Variants in DLG2 observed in about 807,000 individuals in gnomAD.
The protein encoded by DLG2 is discs large MAGUK scaffold protein 2.
DLG2 carries 45 observed loss-of-function variants against 132.5 expected under a neutral mutation model. The observed-to-expected ratio is 0.34, with a 90% CI of 0.27 to 0.44. The LOEUF is 0.44. DLG2 is among the 20% of genes least tolerant of loss of function. The probability of loss-of-function intolerance (pLI) is 1.00; values close to 1 mark genes in which losing one functional copy is unlikely to be tolerated. For missense variants in DLG2, 1,045 were observed against 1,196.9 expected, an observed-to-expected ratio of 0.87 and a Z score of 1.87; for synonymous variants, 424 against 419.6, an observed-to-expected ratio of 1.01 and a Z score of -0.13.
At chr11:85,114,824 C>T (rs1223416323) in intron 5 of DLG2, among the ~76,000 whole-genome samples, 1 of 151,948 alleles carries the variant, frequency 6.6e-6, no homozygotes, top group Admixed American at 6.6e-5. Context: ...CCTCCAAAAA[C>T]ATGGGAATAT....
At chr11:83,935,756 A>T (rs551842521) in intron 14 of DLG2, among the ~76,000 whole-genome samples, 1 of 152,352 alleles carries the variant, frequency 6.6e-6, no homozygotes, top group South Asian at 2.1e-4. Context: ...TCTGTTTACC[A>T]GAAAAATTAT....
chr11:84,218,197 GGAAAGGAAGGAAGGAAGGAAA>G lies in DLG2; in HGVS notation c.573+33020_573+33040del, dbSNP rs898571899. ...GAGAGAAAGAAAAAGAAACAAAGAA[GGAAAGGAAGGAAGGAAGGAAA>G]GAAAGGAAGGAAGGAAGGAAAGGAA... On this transcript the variant is annotated intron_variant, in intron 8 of 27. Coordinates refer to ENST00000376104, the MANE Select transcript of DLG2 (RefSeq NM_001142699.3). 4.3e-5 allele frequency among the ~76,000 whole-genome samples: 6 copies of G among 139,362 alleles called. No homozygotes were observed. The East Asian group carries it at 6.3e-4, about 15-fold the overall frequency. 91.4% of individuals were successfully genotyped at this position (139,362 alleles called of 152,430 possible). A position where few individuals can be genotyped will look rare whatever the true frequency, so the allele number is the denominator to read the frequency against.
intron 5 of DLG2, among the ~76,000 whole-genome samples, chr11:85,153,304 C>T (rs1339648962): frequency 6.6e-6 from 1 of 152,140 alleles, no homozygotes; most frequent in Non-Finnish European, 1.5e-5. Context: ...TATGCCCCAT[C>T]TCCTCTAAAG....
intron 3 of DLG2, among the ~76,000 whole-genome samples, chr11:85,293,285 A>G (rs1241434548): frequency 6.6e-6 from 1 of 152,156 alleles, no homozygotes; most frequent in Non-Finnish European, 1.5e-5. Context: ...AAAATGGGCC[A>G]GGCATGGTGG....
intron 6 of DLG2, among the ~76,000 whole-genome samples, chr11:84,819,507 T>C (rs1351516834): frequency 2.0e-5 from 3 of 151,836 alleles, no homozygotes; most frequent in Non-Finnish European, 4.4e-5. Context: ...GCCCTTTTCA[T>C]GCCTATATGC....
At chr11:83,786,667 T>C in intron 18 of DLG2, 23 bp downstream of exon 18, 2 of 1,566,840 alleles carry the variant, frequency 1.3e-6, no homozygotes, top group Non-Finnish European at 1.8e-6. Context: ...ATCAGAACAT[T>C]ATTAGTTTGA....
intron 11 of DLG2, among the ~76,000 whole-genome samples, chr11:84,012,241 T>C (rs991760826): frequency 3.3e-5 from 5 of 152,188 alleles, no homozygotes; most frequent in Non-Finnish European, 7.4e-5. Context: ...ATTGTTTCTC[T>C]GGTCTCAGGC....
At chr11:84,314,215 G>T (rs1210324087) in intron 7 of DLG2, among the ~76,000 whole-genome samples, 1 of 152,198 alleles carries the variant, frequency 6.6e-6, no homozygotes, top group Non-Finnish European at 1.5e-5. Context: ...TGTACCACAT[G>T]TGAGTCCCTG....
chr11:85,305,793 G>A (rs1379502824), intron 3 of DLG2, among the ~76,000 whole-genome samples: 3 of 152,300 alleles, frequency 2.0e-5, no homozygotes, highest in Non-Finnish European at 4.4e-5. Flanking sequence ...GATTACAGGC[G>A]TGAGCCACGG....
intron 7 of DLG2, among the ~76,000 whole-genome samples, chr11:84,470,152 G>T (rs949005103): frequency 6.6e-6 from 1 of 151,748 alleles, no homozygotes; most frequent in African/African-American, 2.4e-5. Flanking sequence ...CTGAAATGTT[G>T]TTATGTGGTA....
At chr11:85,065,840 G>A (rs915866811) in intron 6 of DLG2, among the ~76,000 whole-genome samples, 11 of 151,166 alleles carry the variant, frequency 7.3e-5, no homozygotes, top group Admixed American at 7.3e-4. Context: ...AAAGTTTATG[G>A]TGTTAAATGC....
intron 7 of DLG2, among the ~76,000 whole-genome samples, chr11:84,469,042 T>A (rs1209675619): frequency 1.3e-5 from 2 of 151,590 alleles, no homozygotes; most frequent in Admixed American, 6.6e-5. Context: ...GTACTTAGCA[T>A]ATTACTAGAC....
At chr11:85,032,387 A>C (rs1285295211) in intron 6 of DLG2, among the ~76,000 whole-genome samples, 6 of 152,222 alleles carry the variant, frequency 3.9e-5, no homozygotes. Flanking sequence ...CCTATCCTCC[A>C]AATTATAAGT....
chr11:84,363,635 T>C (rs1214123007), intron 7 of DLG2, among the ~76,000 whole-genome samples: 2 of 151,890 alleles, frequency 1.3e-5, no homozygotes, highest in African/African-American at 2.4e-5. Context: ...AGGGTTTTTA[T>C]GGTTTTAGGT....
rs76089849 is a variant in DLG2 at position 84,843,257 on chromosome 11, G to T, written c.357+268404C>A. 4.8e-3 allele frequency among the ~76,000 whole-genome samples: 717 copies of T among 150,928 alleles called. 10 individuals are homozygous for T. Among genetic ancestry groups the T allele is most frequent in the African/African-American group, 0.017 (681 of 41,034 alleles). On this transcript the variant is annotated intron_variant, in intron 6 of 27. Transcript: ENST00000376104. ...TTGTATACATCAAATACATGCCATT[G>T]TTTGTATATCAATTACACCTTAATA...
chr11:85,154,398 T>C (rs762076516), intron 5 of DLG2, among the ~76,000 whole-genome samples, 158 bp downstream of exon 5: 9 of 152,140 alleles, frequency 5.9e-5, no homozygotes, highest in South Asian at 2.1e-4. Flanking sequence ...CAGTGTCAGC[T>C]CAGAAGCCTG....
intron 3 of DLG2, among the ~76,000 whole-genome samples, chr11:85,387,429 A>G (rs74954934): frequency 0.035 from 5,328 of 152,282 alleles, 144 homozygotes; most frequent in Admixed American, 0.049. Flanking sequence ...TGTTTGTTTT[A>G]CCATTTAAAT....
chr11:84,956,123 A>T (rs1031905932), intron 6 of DLG2, among the ~76,000 whole-genome samples: 1 of 152,200 alleles, frequency 6.6e-6, no homozygotes, highest in Admixed American at 6.5e-5. Context: ...ATTTATCAGC[A>T]TAGTTCTTCC....
intron 6 of DLG2, among the ~76,000 whole-genome samples, chr11:84,726,036 A>G (rs1023733882): frequency 2.0e-5 from 3 of 152,108 alleles, no homozygotes; most frequent in Admixed American, 6.6e-5. Flanking sequence ...ATGCAATGAT[A>G]CATTCTCAGA....
Sources: gnomAD v4.1 joint callset for allele counts (sites outside exome capture counted in the v4.1 genomes callset) on GRCh38, gnomAD v4.1.1 for gene constraint, MANE v1.5 for transcripts, NCBI Gene and HGNC (gene_info 2026-07-23, HGNC 2026-07-21) for gene names.